The following UNC5C variants were observed in gnomAD, a reference collection of about 807,000 sequenced individuals.
The protein encoded by UNC5C is netrin receptor UNC5C.
UNC5C carries 47 observed loss-of-function variants against 99.8 expected under a neutral mutation model. That is an observed-to-expected ratio of 0.47 (90% confidence interval 0.37 to 0.60). The LOEUF (loss-of-function observed/expected upper bound fraction) is 0.60, where lower values mean the gene tolerates loss of function less well. Ranked by LOEUF, UNC5C falls within the 20% of genes least tolerant of loss-of-function variation. The pLI, the probability that UNC5C is intolerant of heterozygous loss-of-function variation, is 0.00. For synonymous variants in UNC5C, 487 were observed against 452.2 expected, an observed-to-expected ratio of 1.08 and a Z score of -0.98; for missense variants, 1,062 against 1,165.9, an observed-to-expected ratio of 0.91 and a Z score of 1.30.
chr4:95,319,813 G>A (rs929304665), intron 2 of UNC5C, among the ~76,000 whole-genome samples: 1 of 152,158 alleles, frequency 6.6e-6, no homozygotes, highest in Non-Finnish European at 1.5e-5. Context: ...AAAAATGATA[G>A]GGTGGGGAGA....
At chr4:95,190,297 A>G (rs1424793408) in intron 12 of UNC5C, among the ~76,000 whole-genome samples, 2 of 149,144 alleles carry the variant, frequency 1.3e-5, no homozygotes, top group African/African-American at 2.5e-5. Context: ...CAATGAGAAC[A>G]CAGGGACACA....
In UNC5C at chr4:95,375,894, G is replaced by A. The variant is rs183824832; in HGVS notation, c.125-40263C>T. Among the ~76,000 whole-genome samples, 760 of 152,088 alleles carry A rather than the reference G, an allele frequency of 5.0e-3. 5 individuals carry two copies. The highest frequency in any genetic ancestry group is 0.017 in the African/African-American group (722 of 41,508). On this transcript the variant is annotated intron_variant, in intron 1 of 15. Coordinates refer to ENST00000453304, the MANE Select transcript of UNC5C (RefSeq NM_003728.4). ...AGATTGAGACCATCCTGGCTAACAC[G>A]GTGAAACCCCGTCTCTACTAAAAAT...
At chr4:95,176,900 T>C (rs1176688392) in intron 14 of UNC5C, among the ~76,000 whole-genome samples, 1 of 152,220 alleles carries the variant, frequency 6.6e-6, no homozygotes, top group Non-Finnish European at 1.5e-5. Flanking sequence ...CGAGACTCTG[T>C]GGGCGTAGGA....
chr4:95,331,223 T>A (rs1743098301), intron 2 of UNC5C, among the ~76,000 whole-genome samples: 1 of 152,142 alleles, frequency 6.6e-6, no homozygotes, highest in Non-Finnish European at 1.5e-5. Flanking sequence ...TATCCACTGA[T>A]GGGTACTTGG....
At chr4:95,172,588 C>T (rs1212395831) in intron 14 of UNC5C, among the ~76,000 whole-genome samples, 2 of 151,624 alleles carry the variant, frequency 1.3e-5, no homozygotes, top group African/African-American at 2.4e-5. Flanking sequence ...TGTTCTGTTC[C>T]ATTGGTCTAT....
chr4:95,215,105 G>A (rs1283554822), intron 10 of UNC5C, among the ~76,000 whole-genome samples: 2 of 152,186 alleles, frequency 1.3e-5, no homozygotes, highest in African/African-American at 2.4e-5. Flanking sequence ...CTCCACCTGA[G>A]AGCATAATAC....
intron 1 of UNC5C, among the ~76,000 whole-genome samples, chr4:95,412,639 A>T (rs1388365038): frequency 1.3e-5 from 2 of 152,212 alleles, no homozygotes; most frequent in Non-Finnish European, 2.9e-5. Context: ...CCCACAAAAA[A>T]ATTACTGATG....
At chr4:95,450,220 A>G (rs922662205) in intron 1 of UNC5C, among the ~76,000 whole-genome samples, 1 of 152,156 alleles carries the variant, frequency 6.6e-6, no homozygotes, top group African/African-American at 2.4e-5. Context: ...TTCTTCCCCC[A>G]ACCCCCTTGA....
intron 3 of UNC5C, among the ~76,000 whole-genome samples, chr4:95,288,097 T>TATTTATTTATTTA (rs59608128): frequency 1.3e-5 from 2 of 151,168 alleles, no homozygotes; most frequent in Non-Finnish European, 1.5e-5. Context: ...TTTATTTATT[T>TATTTATTTATTTA]TTTGAGAGGG....
Position 95,292,868 on chromosome 4 carries a change from G to A in UNC5C, c.490+8738C>T, listed in dbSNP as rs574926085. On this transcript the variant is annotated intron_variant, in intron 3 of 15. Transcript: ENST00000453304. ...TTATCAGCAGCCACAGGCAAGGGAC[G>A]TCTTCTAGGCACTGGAGACAACAAG... Among the ~76,000 whole-genome samples, 7 of 152,044 alleles carry A rather than the reference G, an allele frequency of 4.6e-5. No homozygotes were observed. In the East Asian group the frequency reaches 5.8e-4, roughly 13 times the overall value.
At chr4:95,223,732 T>G (rs1738564127) in intron 7 of UNC5C, among the ~76,000 whole-genome samples, 1 of 152,178 alleles carries the variant, frequency 6.6e-6, no homozygotes, top group African/African-American at 2.4e-5. Flanking sequence ...TAATAAAATT[T>G]TTCCATTTGT....
rs765835503 is a variant in UNC5C at position 95,548,842 on chromosome 4, G to A, written c.16C>T (p.Arg6Trp). ...AGTCCGCAGCGGGCCGCTGTCGCCC[G>A]CAGACCTTTCCTCATCGTAGACAGA... MRKGL[R>W]ATAARCGLGL... Residue 6 changes from arginine to tryptophan, a missense_variant, in exon 1 of 16, where the codon CGG (arginine) becomes TGG (tryptophan). Transcript: ENST00000453304. 1 of 1,613,118 alleles carries A rather than the reference G, an allele frequency of 6.2e-7. No homozygotes were observed. Among genetic ancestry groups the A allele is most frequent in the South Asian group, 1.1e-5 (1 of 91,034 alleles).
At chr4:95,482,700 T>C (rs1721198250) in intron 1 of UNC5C, among the ~76,000 whole-genome samples, 1 of 123,940 alleles carries the variant, frequency 8.1e-6, no homozygotes, top group African/African-American at 3.2e-5. Flanking sequence ...TGAGTTCATG[T>C]CCTTTGTAGG....
In UNC5C at chr4:95,166,431, A is replaced by G. The variant is rs754015962; in HGVS notation, c.*2803T>C. On this transcript the variant is annotated 3_prime_UTR_variant, in exon 16 of 16. Transcript: ENST00000453304. ...GACAGATGAGTACCTCACACACGAA[A>G]TCAATCACTTTTCCCTTTTCTGGTG... is the stretch of plus-strand genomic sequence containing the variant. 8.5e-5 allele frequency: 13 copies of G among 152,238 alleles called. No individual in the cohort carries two copies. The highest frequency in any genetic ancestry group is 1.8e-4 in the Non-Finnish European group (12 of 68,036). 9.4% of individuals were successfully genotyped at this position (152,238 alleles called of 1,614,324 possible).
At chr4:95,285,184 A>G (rs1741189360) in intron 3 of UNC5C, among the ~76,000 whole-genome samples, 1 of 152,220 alleles carries the variant, frequency 6.6e-6, no homozygotes, top group Admixed American at 6.5e-5. Flanking sequence ...ATTAGAATAA[A>G]ATATTTTTTT....
At chr4:95,405,614 G>T (rs537622577) in intron 1 of UNC5C, among the ~76,000 whole-genome samples, 1 of 152,246 alleles carries the variant, frequency 6.6e-6, no homozygotes, top group Admixed American at 6.5e-5. Context: ...AGAAATATAA[G>T]GGGTTTATTA....
At chr4:95,326,520 G>A (rs761673275) in intron 2 of UNC5C, among the ~76,000 whole-genome samples, 1 of 152,148 alleles carries the variant, frequency 6.6e-6, no homozygotes, top group Non-Finnish European at 1.5e-5. Flanking sequence ...GGCAACATAG[G>A]TATGTATTAC....
chr4:95,202,333 A>G (rs1737708821), intron 12 of UNC5C, among the ~76,000 whole-genome samples: 2 of 152,240 alleles, frequency 1.3e-5, no homozygotes. Context: ...CCTCATAAAA[A>G]GAATAGGAAA....
intron 1 of UNC5C, among the ~76,000 whole-genome samples, chr4:95,420,755 A>G (rs1746296311): frequency 6.6e-6 from 1 of 152,194 alleles, no homozygotes; most frequent in Admixed American, 6.5e-5. Context: ...CATGGAAAAG[A>G]TACATGAGAC....
Sources: gnomAD v4.1 joint callset for allele counts (sites outside exome capture counted in the v4.1 genomes callset) on GRCh38, gnomAD v4.1.1 for gene constraint, MANE v1.5 for transcripts, NCBI Gene and HGNC (gene_info 2026-07-23, HGNC 2026-07-21) for gene names.